Variants in DYNC1I2 observed in about 807,000 individuals in gnomAD.
DYNC1I2 encodes the protein cytoplasmic dynein 1 intermediate chain 2.
DYNC1I2 carries 53 observed loss-of-function variants against 88.6 expected under a neutral mutation model. That is an observed-to-expected ratio of 0.60 (90% confidence interval 0.48 to 0.75). The LOEUF is 0.75. Ranked by LOEUF, DYNC1I2 falls within the 30% of genes least tolerant of loss-of-function variation. The probability of loss-of-function intolerance (pLI) is 0.00; values close to 1 mark genes in which losing one functional copy is unlikely to be tolerated. For missense variants in DYNC1I2, 458 were observed against 766.6 expected, an observed-to-expected ratio of 0.60 and a Z score of 4.75; for synonymous variants, 198 against 254.6, an observed-to-expected ratio of 0.78 and a Z score of 2.12.
intron 15 of DYNC1I2, among the ~76,000 whole-genome samples, chr2:171,742,577 G>A (rs1299081542): frequency 6.6e-6 from 1 of 152,132 alleles, no homozygotes; most frequent in African/African-American, 2.4e-5. Context: ...AACTTTTATG[G>A]AATCTGACTG....
rs982454755 is a variant in DYNC1I2 at position 171,701,788 on chromosome 2, A to G, written c.227-4759A>G. ...TCTCCAGTCATTTTATAAATAGATT[A>G]TTAATAAAAAATTTTTTACAGAGTA... is the stretch of plus-strand genomic sequence containing the variant. On this transcript the variant is annotated intron_variant, in intron 3 of 17. Coordinates refer to ENST00000397119, the MANE Select transcript of DYNC1I2 (RefSeq NM_001378.3). Among the ~76,000 whole-genome samples, 6 of 152,226 alleles carry G rather than the reference A, an allele frequency of 3.9e-5. No individual in the cohort carries two copies. In the East Asian group the frequency reaches 1.2e-3, roughly 29 times the overall value.
At chr2:171,747,210 TATATA>T (rs1689853965) in intron 17 of DYNC1I2, among the ~76,000 whole-genome samples, 1 of 70,160 alleles carries the variant, frequency 1.4e-5, no homozygotes, top group African/African-American at 5.3e-5. Context: ...AAAAAAATTA[TATATA>T]TATATATATA....
intron 6 of DYNC1I2, among the ~76,000 whole-genome samples, chr2:171,714,685 A>G (rs1687364195): frequency 6.6e-6 from 1 of 152,336 alleles, no homozygotes; most frequent in South Asian, 2.1e-4. Flanking sequence ...ATGGTATTCA[A>G]AAGATCTGTC....
At chr2:171,724,725 T>C (rs1449198876) in intron 7 of DYNC1I2, among the ~76,000 whole-genome samples, 1 of 152,246 alleles carries the variant, frequency 6.6e-6, no homozygotes, top group Non-Finnish European at 1.5e-5. Flanking sequence ...GCCTTTCCCT[T>C]ATAGACAAAT....
chr2:171,715,483 A>G (rs1687425134), intron 7 of DYNC1I2, 40 bp downstream of exon 7: 2 of 1,244,032 alleles, frequency 1.6e-6, no homozygotes, highest in African/African-American at 1.5e-5. Flanking sequence ...TTGAGCACCT[A>G]TGTTAAATAC....
intron 3 of DYNC1I2, among the ~76,000 whole-genome samples, chr2:171,700,739 C>T (rs1452126506): frequency 6.6e-6 from 1 of 152,130 alleles, no homozygotes; most frequent in Non-Finnish European, 1.5e-5. Flanking sequence ...TCCCGCCATT[C>T]TCCTGCCTCA....
intron 5 of DYNC1I2, among the ~76,000 whole-genome samples, chr2:171,709,951 A>T (rs13406639): frequency 1.8e-4 from 28 of 152,118 alleles, no homozygotes; most frequent in African/African-American, 5.8e-4. Context: ...TCCTGACCTC[A>T]GGTGATCCAC....
At chr2:171,742,206 C>G (rs1689489068) in intron 15 of DYNC1I2, among the ~76,000 whole-genome samples, 1 of 151,882 alleles carries the variant, frequency 6.6e-6, no homozygotes, top group Admixed American at 6.6e-5. Context: ...AGGTCTCACT[C>G]CCATCGCCTA....
chr2:171,690,532 A>G (rs966033992), intron 2 of DYNC1I2, among the ~76,000 whole-genome samples: 1 of 152,206 alleles, frequency 6.6e-6, no homozygotes, highest in Non-Finnish European at 1.5e-5. Context: ...ATTTTTAAAA[A>G]CAATTTCGTA....
chr2:171,739,601 C>G (rs1689256270), intron 15 of DYNC1I2, among the ~76,000 whole-genome samples: 1 of 150,902 alleles, frequency 6.6e-6, no homozygotes, highest in Admixed American at 6.6e-5. Flanking sequence ...TTATTTTCGT[C>G]AAATGGCCTA....
intron 6 of DYNC1I2, among the ~76,000 whole-genome samples, chr2:171,714,403 G>A (rs185075231): frequency 1.1e-4 from 16 of 152,076 alleles, no homozygotes; most frequent in African/African-American, 2.9e-4. Context: ...TATTACCAGC[G>A]ATAGCCTGCT....
At chr2:171,714,432 A>G (rs1687344832) in intron 6 of DYNC1I2, among the ~76,000 whole-genome samples, 1 of 152,158 alleles carries the variant, frequency 6.6e-6, no homozygotes, top group South Asian at 2.1e-4. Context: ...TGAAAGTTGC[A>G]GCAGTGTCTT....
intron 16 of DYNC1I2, 146 bp downstream of exon 16, chr2:171,744,335 C>T: frequency 1.2e-6 from 1 of 868,744 alleles, no homozygotes; most frequent in East Asian, 2.8e-5. Flanking sequence ...AAGCTTTGTA[C>T]CCTAAATAAT....
intron 17 of DYNC1I2, 32 bp downstream of exon 17, chr2:171,745,959 A>G (rs749195972): frequency 3.7e-6 from 6 of 1,611,736 alleles, no homozygotes; most frequent in Non-Finnish European, 5.1e-6. Flanking sequence ...ATTTTGACAC[A>G]TCGATTTAGT....
chr2:171,735,140 A>G (rs908064892), intron 15 of DYNC1I2, among the ~76,000 whole-genome samples: 1 of 152,186 alleles, frequency 6.6e-6, no homozygotes, highest in African/African-American at 2.4e-5. Context: ...TAGCAAAACA[A>G]GATTTCTTCC....
At chr2:171,712,606 T>A in intron 5 of DYNC1I2, 161 bp from the exon 6 acceptor site, 1 of 569,444 alleles carries the variant, frequency 1.8e-6, no homozygotes, top group Non-Finnish European at 3.1e-6. Flanking sequence ...ACCTGGTGGA[T>A]TTCTTGTTTT....
chr2:171,690,360 C>T (rs1047588518), intron 2 of DYNC1I2, 97 bp downstream of exon 2: 79 of 880,770 alleles, frequency 9.0e-5, no homozygotes, highest in East Asian at 3.1e-4. Context: ...CAAAAGTAAT[C>T]GTGGTTAAAA....
chr2:171,724,487 C>A (rs896749427), intron 7 of DYNC1I2, among the ~76,000 whole-genome samples: 1 of 152,206 alleles, frequency 6.6e-6, no homozygotes, highest in Admixed American at 6.5e-5. Flanking sequence ...CAGAAAGACA[C>A]AATCCCAGCA....
chr2:171,717,690 T>G (rs974119690), intron 7 of DYNC1I2, among the ~76,000 whole-genome samples: 3 of 152,148 alleles, frequency 2.0e-5, no homozygotes, highest in South Asian at 4.1e-4. Flanking sequence ...TTGGTGAGTA[T>G]TATTATGTCT....
Sources: allele counts gnomAD v4.1 joint callset (sites outside exome capture counted in the v4.1 genomes callset), GRCh38; gene constraint gnomAD v4.1.1; transcripts MANE v1.5; gene names NCBI Gene and HGNC (gene_info 2026-07-23, HGNC 2026-07-21).